Variants in UBE2E2 observed in about 807,000 individuals in gnomAD.
UBE2E2 encodes the protein ubiquitin conjugating enzyme E2 E2, also known as ubiquitin-conjugating enzyme E2 E2.
Under a neutral mutation model 24.7 loss-of-function variants are expected in UBE2E2, and 6 were observed. That is an observed-to-expected ratio of 0.24 (90% CI 0.13 to 0.48). UBE2E2 has a LOEUF of 0.48. Ranked by LOEUF, UBE2E2 falls within the 20% of genes least tolerant of loss-of-function variation. The probability of loss-of-function intolerance (pLI) is 0.99; values close to 1 mark genes in which losing one functional copy is unlikely to be tolerated. For synonymous variants in UBE2E2, 104 were observed against 83.6 expected (o/e 1.24, Z -1.33); for missense variants, 169 against 245.0 (o/e 0.69, Z 2.07).
intron 3 of UBE2E2, among the ~76,000 whole-genome samples, chr3:23,297,780 G>A (rs1004024982): frequency 1.3e-5 from 2 of 152,076 alleles, no homozygotes; most frequent in Admixed American, 6.5e-5. Flanking sequence ...GCTCTTTTTT[G>A]GTTCCATATG....
intron 3 of UBE2E2, among the ~76,000 whole-genome samples, chr3:23,290,412 T>G (rs1323049252): frequency 6.6e-6 from 1 of 152,164 alleles, no homozygotes. Flanking sequence ...GTTTTAGAGA[T>G]CTGGGATGGG....
chr3:23,232,275 G>A (rs1696995948), intron 3 of UBE2E2, among the ~76,000 whole-genome samples: 1 of 152,190 alleles, frequency 6.6e-6, no homozygotes, highest in Admixed American at 6.5e-5. Flanking sequence ...TGTATGCCAG[G>A]AAAACGGGGT....
chr3:23,396,370 TAAA>T (rs1330681369), intron 3 of UBE2E2, among the ~76,000 whole-genome samples: 3 of 148,092 alleles, frequency 2.0e-5, no homozygotes, highest in South Asian at 4.2e-4. Context: ...CTATATAAAA[TAAA>T]AAATTATATA....
chr3:23,473,156 C>T (rs1699062473), intron 3 of UBE2E2, among the ~76,000 whole-genome samples: 2 of 151,922 alleles, frequency 1.3e-5, no homozygotes. Context: ...GAGCAGAGTG[C>T]CTTTCCCCCA....
chr3:23,419,979 T>G (rs1575617397), intron 3 of UBE2E2, among the ~76,000 whole-genome samples: 1 of 152,292 alleles, frequency 6.6e-6, no homozygotes, highest in East Asian at 1.9e-4. Context: ...AAATGCCTAC[T>G]ACTGGTGGGC....
intron 3 of UBE2E2, among the ~76,000 whole-genome samples, chr3:23,429,798 A>C (rs571172349): frequency 1.6e-3 from 248 of 152,374 alleles, no homozygotes; most frequent in African/African-American, 5.7e-3. Context: ...AACTTCTGGA[A>C]CTAATAAGCA....
At position 23,589,094 on chromosome 3, in the gene UBE2E2, C is replaced by G. The variant is rs1269963235; in HGVS notation, c.509-640C>G. ...AGCTCATCAAGAGCCCATGAGTCCC[C>G]TGCCCACAGCCCACCTGCATTTTCT... On this transcript the variant is annotated intron_variant, in intron 5 of 5. Transcript: ENST00000396703. This position sits in a 1 kb window ranked among gnomAD's most constrained non-coding sequence, Gnocchi z 4.1. Among the ~76,000 whole-genome samples, 2 of 152,034 alleles carry G rather than the reference C, an allele frequency of 1.3e-5. No homozygotes were observed. Among genetic ancestry groups the G allele is most frequent in the Non-Finnish European group, 2.9e-5 (2 of 68,012 alleles).
At chr3:23,319,952 G>A (rs1055392621) in intron 3 of UBE2E2, among the ~76,000 whole-genome samples, 103 of 152,162 alleles carry the variant, frequency 6.8e-4, no homozygotes, top group African/African-American at 2.0e-3. Context: ...AGATCCCTAA[G>A]ATCTGGCTAG....
chr3:23,416,760 T>C (rs1449847391), intron 3 of UBE2E2, among the ~76,000 whole-genome samples: 1 of 152,200 alleles, frequency 6.6e-6, no homozygotes, highest in Non-Finnish European at 1.5e-5. Flanking sequence ...TTTTATTCTT[T>C]TTTCTCTAAT....
intron 3 of UBE2E2, among the ~76,000 whole-genome samples, chr3:23,341,183 A>G (rs370522967): frequency 2.0e-5 from 3 of 152,326 alleles, no homozygotes; most frequent in Non-Finnish European, 2.9e-5. Context: ...AGGTAAGACT[A>G]CAGACCTAAA....
At chr3:23,469,274 A>C (rs1190239815) in intron 3 of UBE2E2, among the ~76,000 whole-genome samples, 1 of 152,224 alleles carries the variant, frequency 6.6e-6, no homozygotes, top group Admixed American at 6.5e-5. Context: ...TGGGGGACAC[A>C]AACATTCTAT....
intron 3 of UBE2E2, among the ~76,000 whole-genome samples, chr3:23,226,872 G>A (rs930707302): frequency 6.6e-6 from 1 of 151,818 alleles, no homozygotes; most frequent in Non-Finnish European, 1.5e-5. Flanking sequence ...GTAATATGGA[G>A]TGGAGAAAGA....
chr3:23,239,687 T>A (rs1697208173), intron 3 of UBE2E2, among the ~76,000 whole-genome samples: 1 of 152,108 alleles, frequency 6.6e-6, no homozygotes, highest in African/African-American at 2.4e-5. Context: ...TGAGATCAGA[T>A]GAAGTTCAGA....
intron 4 of UBE2E2, among the ~76,000 whole-genome samples, chr3:23,505,921 C>G (rs963437307): frequency 6.6e-6 from 1 of 152,190 alleles, no homozygotes; most frequent in South Asian, 2.1e-4. Context: ...TAATTAGTTA[C>G]GATAAGAAAC....
chr3:23,316,739 C>G (rs975952566), intron 3 of UBE2E2, among the ~76,000 whole-genome samples: 3 of 152,040 alleles, frequency 2.0e-5, no homozygotes, highest in African/African-American at 7.2e-5. Flanking sequence ...CTCAGAGTCT[C>G]GCTCAAGGCC....
intron 3 of UBE2E2, among the ~76,000 whole-genome samples, chr3:23,447,525 A>G (rs989848815): frequency 6.6e-6 from 1 of 152,212 alleles, no homozygotes; most frequent in Non-Finnish European, 1.5e-5. Context: ...GAGAAATTTC[A>G]AGATACACTA....
At position 23,382,176 on chromosome 3, in the gene UBE2E2, T is replaced by TA. The variant is rs1696685756; in HGVS notation, c.228-117430dup. On this transcript the variant is annotated intron_variant, in intron 3 of 5. Coordinates refer to ENST00000396703, the MANE Select transcript of UBE2E2 (RefSeq NM_152653.4). ...CTACTCTTCATAATTACGAATACTTTAATTTTTTTTTTTTTTTTTTTTTGA... is the reference window on the plus strand; with the variant it reads ...CTACTCTTCATAATTACGAATACTTTAAATTTTTTTTTTTTTTTTTTTTTGA... Among the ~76,000 whole-genome samples, 5 of 122,446 alleles carry TA rather than the reference T, an allele frequency of 4.1e-5. No individual in the cohort carries two copies. In the South Asian group the frequency reaches 1.3e-3, roughly 33 times the overall value. The allele number at this position is 122,446 out of a possible 152,430, so 80.3% of individuals were successfully genotyped here.
chr3:23,259,040 A>C (rs955154611), intron 3 of UBE2E2, among the ~76,000 whole-genome samples: 2 of 152,094 alleles, frequency 1.3e-5, no homozygotes, highest in African/African-American at 4.8e-5. Context: ...TTTCTTTAAG[A>C]TAACCAATTT....
intron 3 of UBE2E2, among the ~76,000 whole-genome samples, chr3:23,337,738 G>A (rs1695251649): frequency 6.6e-6 from 1 of 152,144 alleles, no homozygotes; most frequent in South Asian, 2.1e-4. Context: ...GTTAATATAG[G>A]TGGAATGTAG....
Sources: gnomAD v4.1 joint callset for allele counts (sites outside exome capture counted in the v4.1 genomes callset) on GRCh38, gnomAD v4.1.1 for gene constraint, Gnocchi (gnomAD v3.1) non-coding constraint, MANE v1.5 for transcripts, NCBI Gene and HGNC (gene_info 2026-07-23, HGNC 2026-07-21) for gene names.